Variants in SDK1 observed in about 807,000 individuals in gnomAD.
SDK1 encodes protein sidekick-1.
A neutral mutation model predicts 245.5 loss-of-function variants in SDK1; 157 were observed. The observed-to-expected ratio is 0.64, with a 90% CI of 0.56 to 0.73. The LOEUF (loss-of-function observed/expected upper bound fraction) is 0.73, where lower values mean the gene tolerates loss of function less well. SDK1 is among the 30% of genes least tolerant of loss of function. SDK1 has a pLI of 0.00. For synonymous variants in SDK1, 1,647 were observed against 1,278.5 expected (o/e 1.29, Z -6.15); for missense variants, 3,583 against 3,002.3 (o/e 1.19, Z -4.52).
At chr7:3,806,943 T>G (rs1404969126) in intron 4 of SDK1, among the ~76,000 whole-genome samples, 3 of 152,186 alleles carry the variant, frequency 2.0e-5, no homozygotes, top group Non-Finnish European at 4.4e-5. Context: ...TTGTTGTGGT[T>G]AATAATGTTT....
chr7:3,786,169 C>T (rs1780893920), intron 4 of SDK1, among the ~76,000 whole-genome samples: 1 of 152,136 alleles, frequency 6.6e-6, no homozygotes, highest in Admixed American at 6.5e-5. Flanking sequence ...TACTCTTTCC[C>T]TTCTTCCTTC....
chr7:4,068,714 TTTTA>T (rs3066355), intron 20 of SDK1, among the ~76,000 whole-genome samples: 2 of 149,424 alleles, frequency 1.3e-5, no homozygotes, highest in Non-Finnish European at 3.0e-5. Context: ...TTTTTAATGA[TTTTA>T]TTTATTTATT....
rs568042033 is a variant in SDK1 at position 3,981,487 on chromosome 7, G to T, written c.1995-5699G>T. Among the ~76,000 whole-genome samples, 72 of 151,016 alleles carry T rather than the reference G, an allele frequency of 4.8e-4. No individual in the cohort carries two copies. In the South Asian group the frequency reaches 0.015, roughly 31 times the overall value. On this transcript the variant is annotated intron_variant, in intron 13 of 44. Coordinates refer to ENST00000404826, the MANE Select transcript of SDK1 (RefSeq NM_152744.4). ...ACTGGAAATGATGAAGCTTAGTAAG[G>T]AAGGCATATCGAAAGCCAAGACAAG...
At chr7:3,607,568 A>T (rs2128640910) in intron 1 of SDK1, among the ~76,000 whole-genome samples, 1 of 152,350 alleles carries the variant, frequency 6.6e-6, no homozygotes. Context: ...CAGAGCAAAT[A>T]ATCAAACCAA....
At chr7:4,099,266 C>G (rs894028824) in intron 22 of SDK1, among the ~76,000 whole-genome samples, 2 of 151,044 alleles carry the variant, frequency 1.3e-5, no homozygotes, top group Non-Finnish European at 2.9e-5. Context: ...GCCAACAGAT[C>G]GAGAGACAAA....
At chr7:3,779,261 C>T (rs1780653811) in intron 4 of SDK1, among the ~76,000 whole-genome samples, 1 of 152,110 alleles carries the variant, frequency 6.6e-6, no homozygotes, top group African/African-American at 2.4e-5. Flanking sequence ...CTTCAGAAAG[C>T]AATTACGTTA....
intron 1 of SDK1, among the ~76,000 whole-genome samples, chr7:3,557,941 G>A (rs184512466): frequency 2.0e-4 from 31 of 152,214 alleles, no homozygotes; most frequent in African/African-American, 7.2e-4. Context: ...AAGTATGCTT[G>A]TACATTGTCT....
At chr7:3,818,540 A>C (rs964327034) in intron 4 of SDK1, among the ~76,000 whole-genome samples, 8 of 152,226 alleles carry the variant, frequency 5.3e-5, no homozygotes, top group African/African-American at 1.7e-4. Context: ...ACAGATACAT[A>C]GGACTTATTT....
intron 26 of SDK1, chr7:4,129,678 A>C: frequency 1.4e-6 from 2 of 1,387,762 alleles, no homozygotes; most frequent in Non-Finnish European, 1.9e-6. Flanking sequence ...CAGGCTCGCC[A>C]AGCCGTGGGC....
intron 23 of SDK1, among the ~76,000 whole-genome samples, chr7:4,112,876 C>G (rs1783438832): frequency 6.6e-6 from 1 of 152,088 alleles, no homozygotes; most frequent in African/African-American, 2.4e-5. Flanking sequence ...GCATCAGCCT[C>G]TTGAGTAGCT....
At chr7:3,902,183 T>C (rs1583535028) in intron 5 of SDK1, among the ~76,000 whole-genome samples, 1 of 152,216 alleles carries the variant, frequency 6.6e-6, no homozygotes, top group Non-Finnish European at 1.5e-5. Context: ...CTTCAGTGGC[T>C]AGAAATGTGC....
rs75975442 is a variant in SDK1 at position 3,738,407 on chromosome 7, G to A, written c.714-83043G>A. On this transcript the variant is annotated intron_variant, in intron 4 of 44. Coordinates refer to ENST00000404826, the MANE Select transcript of SDK1 (RefSeq NM_152744.4). ...TCTAATCTATTACATTGGTTTGTAT[G>A]CCTCTCTCTGTGCCACTACTATGCT... is the stretch of plus-strand genomic sequence containing the variant. Among the ~76,000 whole-genome samples, 562 of 152,276 alleles carry A rather than the reference G, an allele frequency of 3.7e-3. 4 individuals are homozygous for A. The highest frequency in any genetic ancestry group is 0.012 in the African/African-American group (489 of 41,548).
intron 1 of SDK1, among the ~76,000 whole-genome samples, chr7:3,354,605 AT>A (rs1410774854): frequency 2.6e-5 from 4 of 152,112 alleles, no homozygotes; most frequent in Admixed American, 1.3e-4. Flanking sequence ...ATCAGTCTAC[AT>A]TTTTTTCATG....
At chr7:4,023,176 G>A (rs1321369268) in intron 17 of SDK1, among the ~76,000 whole-genome samples, 1 of 152,072 alleles carries the variant, frequency 6.6e-6, no homozygotes, top group Non-Finnish European at 1.5e-5. Context: ...TAGCACCTTG[G>A]ACACATGGGG....
intron 5 of SDK1, among the ~76,000 whole-genome samples, chr7:3,878,871 A>G (rs751958532): frequency 6.6e-6 from 1 of 152,230 alleles, no homozygotes; most frequent in Non-Finnish European, 1.5e-5. Flanking sequence ...TGCATACACA[A>G]AAGTATACAA....
At chr7:3,641,236 A>G (rs1043001208) in intron 3 of SDK1, among the ~76,000 whole-genome samples, 7 of 152,162 alleles carry the variant, frequency 4.6e-5, no homozygotes, top group Admixed American at 2.0e-4. Flanking sequence ...ATCTGTTTGT[A>G]TATATATTTA....
intron 14 of SDK1, among the ~76,000 whole-genome samples, chr7:3,998,851 G>C (rs974168326): frequency 2.0e-5 from 3 of 152,172 alleles, no homozygotes; most frequent in Non-Finnish European, 4.4e-5. Context: ...TGGCTTCTCT[G>C]GGTGAATGTG....
In SDK1 at chr7:3,983,990, C is replaced by G. The variant is rs542671876; in HGVS notation, c.1995-3196C>G. On this transcript the variant is annotated intron_variant, in intron 13 of 44. Transcript: ENST00000404826. Reference sequence around the variant, plus strand: ...GCCGCCTACACTAAACGCCTCAAGACTAGTTTGCTTTCTAAGTTTTTAAGT... The same window carrying G: ...GCCGCCTACACTAAACGCCTCAAGAGTAGTTTGCTTTCTAAGTTTTTAAGT... Among the ~76,000 whole-genome samples the G allele has an allele frequency of 6.6e-5, 10 of 152,258 alleles. No individual in the cohort carries two copies. The East Asian group carries it at 1.4e-3, about 21-fold the overall frequency.
rs150719551 is a variant in SDK1 at position 3,782,756 on chromosome 7, A to G, written c.714-38694A>G. On this transcript the variant is annotated intron_variant, in intron 4 of 44. Transcript: ENST00000404826. Reference sequence around the variant, plus strand: ...CTGCATATTAGTAGTTGAGAAAAATATTAAAATTCAAAATTTGAATTTAAT... The same window carrying G: ...CTGCATATTAGTAGTTGAGAAAAATGTTAAAATTCAAAATTTGAATTTAAT... Among the ~76,000 whole-genome samples, 958 of 152,366 alleles carry G rather than the reference A, an allele frequency of 6.3e-3. 17 individuals carry two copies. The highest frequency in any genetic ancestry group is 0.021 in the African/African-American group (885 of 41,580).
Sources: gnomAD v4.1 joint callset for allele counts (sites outside exome capture counted in the v4.1 genomes callset) on GRCh38, gnomAD v4.1.1 for gene constraint, MANE v1.5 for transcripts, NCBI Gene and HGNC (gene_info 2026-07-23, HGNC 2026-07-21) for gene names.